The following KMT2C variants were observed in gnomAD, a reference collection of about 807,000 sequenced individuals.
KMT2C encodes histone-lysine N-methyltransferase 2C.
KMT2C carries 88 observed loss-of-function variants against 507.9 expected under a neutral mutation model. The ratio of observed to expected loss-of-function variants is 0.17; its 90% confidence interval spans 0.15 to 0.21. The LOEUF is 0.21. Among genes scored for constraint, KMT2C ranks in the 10% least tolerant of loss-of-function variants. The pLI, the probability that KMT2C is intolerant of heterozygous loss-of-function variation, is 1.00. For synonymous variants in KMT2C, 2,049 were observed against 2,080.8 expected (o/e 0.98, Z 0.42); for missense variants, 4,954 against 5,957.8 (o/e 0.83, Z 5.55).
chr7:152,137,011 A>G, intron 58 of KMT2C, 87 bp from the exon 59 acceptor site: 1 of 1,002,870 alleles, frequency 1.0e-6, no homozygotes, highest in Non-Finnish European at 1.5e-6. Context: ...TTTTAAAACC[A>G]GCAAACGAAA....
At chr7:152,145,074 A>G in intron 54 of KMT2C, 79 bp downstream of exon 54, 1 of 1,528,698 alleles carries the variant, frequency 6.5e-7, no homozygotes, top group East Asian at 2.3e-5. Context: ...GTTTGTAAGC[A>G]GCAGACAAAT....
intron 1 of KMT2C, among the ~76,000 whole-genome samples, chr7:152,364,541 G>A (rs2097221939): frequency 1.3e-5 from 2 of 150,654 alleles, no homozygotes; most frequent in African/African-American, 5.0e-5. Context: ...CCCAGGAGGT[G>A]GAGACTGCAG....
In KMT2C at chr7:152,373,405, T is replaced by C. The variant is rs55857407; in HGVS notation, c.162-14730A>G. On this transcript the variant is annotated intron_variant, in intron 1 of 58. Transcript: ENST00000262189. ...GGTTCTATAACTCAGGACAAAAATA[T>C]GGATTCAATAACAAATATTGAGATA... Among the ~76,000 whole-genome samples the C allele has an allele frequency of 1.0e-2, 1,516 of 152,284 alleles. 38 individuals are homozygous for C. The highest frequency in any genetic ancestry group is 0.035 in the African/African-American group (1,456 of 41,558).
rs2129098634 is a variant in KMT2C at position 152,154,249 on chromosome 7, G to A, written c.12139+18C>T. 8 of 1,613,696 alleles carry A rather than the reference G, an allele frequency of 5.0e-6. No individual in the cohort carries two copies. The highest frequency in any genetic ancestry group is 6.8e-6 in the Non-Finnish European group (8 of 1,179,608). On this transcript the variant is annotated intron_variant, in intron 47 of 58. Coordinates refer to ENST00000262189, the MANE Select transcript of KMT2C (RefSeq NM_170606.3). ...GCGTAGTGTAAAGGGAAATAATAAG[G>A]TTAAGTGTTGTTCTTACTTTTCCCA...
chr7:152,245,760 A>G (rs2095462336), intron 14 of KMT2C, among the ~76,000 whole-genome samples: 1 of 152,212 alleles, frequency 6.6e-6, no homozygotes, highest in Non-Finnish European at 1.5e-5. Flanking sequence ...TAATTTGCCC[A>G]CCATGAAACA....
rs185656079 is a variant in KMT2C at position 152,254,298 on chromosome 7, C to G, written c.1300-1583G>C. Among the ~76,000 whole-genome samples the G allele has an allele frequency of 7.7e-3, 1,165 of 152,026 alleles. 9 individuals carry two copies. Among genetic ancestry groups the G allele is most frequent in the Non-Finnish European group, 0.013 (895 of 67,980 alleles). ...TTTAAAAGAATGTATTATCCTTTATCTAATGAGAAGGAGAAAAGAAAAACA... is the reference window on the plus strand; with the variant it reads ...TTTAAAAGAATGTATTATCCTTTATGTAATGAGAAGGAGAAAAGAAAAACA... On this transcript the variant is annotated intron_variant, in intron 9 of 58. Coordinates refer to ENST00000262189, the MANE Select transcript of KMT2C (RefSeq NM_170606.3).
At chr7:152,146,212 G>A (rs2091083689) in intron 53 of KMT2C, among the ~76,000 whole-genome samples, 1 of 152,192 alleles carries the variant, frequency 6.6e-6, no homozygotes, top group African/African-American at 2.4e-5. Context: ...GAAGAGGGCA[G>A]GAGAGTGGCC....
At chr7:152,350,311 A>G (rs996542521) in intron 2 of KMT2C, among the ~76,000 whole-genome samples, 2 of 152,206 alleles carry the variant, frequency 1.3e-5, no homozygotes, top group African/African-American at 4.8e-5. Flanking sequence ...AAGTAACTGA[A>G]TGTATCGATG....
chr7:152,314,527 CA>C (rs921851442), intron 4 of KMT2C, among the ~76,000 whole-genome samples: 22 of 72,868 alleles, frequency 3.0e-4, no homozygotes, highest in East Asian at 8.6e-4. Context: ...CACATCATTA[CA>C]AAAAAAAAAT....
chr7:152,297,001 G>GAAAGAA (rs2096507045), intron 6 of KMT2C, among the ~76,000 whole-genome samples: 1 of 40,260 alleles, frequency 2.5e-5, no homozygotes, highest in African/African-American at 1.4e-4. Context: ...GAAAGAAAAA[G>GAAAGAA]AAAGAAAGAA....
Position 152,285,642 on chromosome 7 carries a change from T to G in KMT2C, c.850-11775A>C, listed in dbSNP as rs188223248. On this transcript the variant is annotated intron_variant, in intron 6 of 58. Coordinates refer to ENST00000262189, the MANE Select transcript of KMT2C (RefSeq NM_170606.3). ...AAAACTGGCTGGAATGGGAGGACATTATACCCTTGGAAAAAAAGCAGAATA... is the reference window on the plus strand; with the variant it reads ...AAAACTGGCTGGAATGGGAGGACATGATACCCTTGGAAAAAAAGCAGAATA... 3.3e-5 allele frequency among the ~76,000 whole-genome samples: 5 copies of G among 152,298 alleles called. No homozygotes were observed. The East Asian group carries it at 9.6e-4, about 29-fold the overall frequency.
intron 27 of KMT2C, among the ~76,000 whole-genome samples, chr7:152,198,319 T>C (rs995007839): frequency 4.6e-4 from 70 of 152,184 alleles, no homozygotes; most frequent in African/African-American, 1.6e-3. Context: ...AAATCAAAAA[T>C]AGTTGTCAGT....
Position 152,435,729 on chromosome 7 carries a change from C to CG in KMT2C, c.57dup (p.Glu20ArgfsTer39). 2.6e-6 allele frequency: 4 copies of CG among 1,525,600 alleles called. No homozygotes were observed. Among genetic ancestry groups the CG allele is most frequent in the East Asian group, 2.6e-5 (1 of 37,816 alleles). The allele number at this position is 1,525,600 out of a possible 1,614,324, so 94.5% of individuals were successfully genotyped here. On this transcript the variant is annotated frameshift_variant, in exon 1 of 59. Transcript: ENST00000262189. LOFTEE classifies it high-confidence loss of function. ...CTCGGGGCCGGGGCTCCAGGCTCCT[C>CG]GGGGGGTGGTGGCGGCGGCTGCGGC...
At chr7:152,204,032 C>T (rs2094222490) in intron 25 of KMT2C, among the ~76,000 whole-genome samples, 1 of 152,138 alleles carries the variant, frequency 6.6e-6, no homozygotes, top group Non-Finnish European at 1.5e-5. Flanking sequence ...CCAAGGCAGA[C>T]AGGCCAGAGG....
At chr7:152,431,220 TTAG>T (rs1287658220) in intron 1 of KMT2C, among the ~76,000 whole-genome samples, 2 of 152,204 alleles carry the variant, frequency 1.3e-5, no homozygotes, top group East Asian at 3.8e-4. Flanking sequence ...AGTTTACATA[TTAG>T]TAACTAATAT....
rs775674561 is a variant in KMT2C, at chr7:152,144,857, G to A, written c.14199C>T (p.Ser4733=). 1 of 1,613,878 alleles carries A rather than the reference G, an allele frequency of 6.2e-7. No homozygotes were observed. ...VLRPHTLNST[S]TSKSFQSTVT... is the part of the protein sequence containing the mutation. ...CTGTGCTCTGAAATGACTTTGAGGT[G>A]CTGGTGCTGTTTAAGGTGTGAGGCC... is the stretch of plus-strand genomic sequence containing the variant. Residue 4733 remains serine (S), a synonymous_variant, in exon 55 of 59, where the codon AGC becomes AGT. Transcript: ENST00000262189. This position sits in a 1 kb window ranked among gnomAD's most constrained non-coding sequence, Gnocchi z 4.4.
intron 1 of KMT2C, among the ~76,000 whole-genome samples, chr7:152,432,664 A>G (rs1213577743): frequency 6.6e-6 from 1 of 152,222 alleles, no homozygotes; most frequent in Non-Finnish European, 1.5e-5. Flanking sequence ...AGTTAATGTA[A>G]AAGCAGTAAC....
At chr7:152,161,978 G>A in intron 43 of KMT2C, 139 bp downstream of exon 43, 3 of 960,028 alleles carry the variant, frequency 3.1e-6, no homozygotes, top group Non-Finnish European at 4.2e-6. Context: ...CAGAGAGGTA[G>A]AAATGACAAA....
chr7:152,157,280 A>C (rs12668604), intron 44 of KMT2C, among the ~76,000 whole-genome samples: 7,408 of 149,234 alleles, frequency 0.05, 315 homozygotes, highest in East Asian at 0.17. Context: ...GGGAGCTGAG[A>C]TTGCACCACT....
Sources: gnomAD v4.1 joint callset for allele counts (sites outside exome capture counted in the v4.1 genomes callset) on GRCh38, gnomAD v4.1.1 for gene constraint, Gnocchi (gnomAD v3.1) non-coding constraint, MANE v1.5 for transcripts, NCBI Gene and HGNC (gene_info 2026-07-23, HGNC 2026-07-21) for gene names.